RDX: variants seen among roughly 807,000 people sequenced by gnomAD.
The protein encoded by RDX is radixin.
Under a neutral mutation model 83.7 loss-of-function variants are expected in RDX, and 32 were observed. That is an observed-to-expected ratio of 0.38 (90% confidence interval 0.29 to 0.51). RDX has a LOEUF of 0.51. Ranked by LOEUF, RDX falls within the 20% of genes least tolerant of loss-of-function variation. RDX has a pLI of 0.87. For missense variants in RDX, 600 were observed against 689.9 expected (o/e 0.87, Z 1.46); for synonymous variants, 229 against 222.7 (o/e 1.03, Z -0.25).
chr11:110,181,184 C>T (rs575655343), intron 15 of RDX, among the ~76,000 whole-genome samples: 13 of 142,238 alleles, frequency 9.1e-5, no homozygotes, highest in Non-Finnish European at 1.8e-4. Context: ...TTTTTTGAGA[C>T]GGAGTCTTGC....
At chr11:110,264,978 G>A (rs1436681260) in intron 3 of RDX, 104 bp from the exon 4 acceptor site, 6 of 735,074 alleles carry the variant, frequency 8.2e-6, no homozygotes, top group South Asian at 3.6e-5. Flanking sequence ...GTAAGTATAC[G>A]TATATTCCTT....
At chr11:110,246,486 T>C (rs1859110344) in intron 10 of RDX, among the ~76,000 whole-genome samples, 1 of 151,594 alleles carries the variant, frequency 6.6e-6, no homozygotes, top group African/African-American at 2.4e-5. Flanking sequence ...TCAAAGAAAA[T>C]GCCCAGGGCC....
chr11:110,295,134 G>A lies in RDX; in HGVS notation c.-65+1333C>T, dbSNP rs114769968. On this transcript the variant is annotated intron_variant, in intron 1 of 13. Transcript: ENST00000645495. ...TCTCTGGAAGATAAAGCACACTGGG[G>A]AAAGCAAAGAAATTCTGAAAATAAA... Among the ~76,000 whole-genome samples, 1,427 of 152,188 alleles carry A rather than the reference G, an allele frequency of 9.4e-3. 28 individuals carry two copies. Among genetic ancestry groups the A allele is most frequent in the African/African-American group, 0.031 (1,302 of 41,506 alleles).
intron 6 of RDX, 92 bp from the exon 7 acceptor site, chr11:110,258,005 AT>A: frequency 6.8e-7 from 1 of 1,477,758 alleles, no homozygotes; most frequent in South Asian, 1.2e-5. Context: ...AGTACTTTAC[AT>A]AAGTCAAACA....
At chr11:110,262,497 A>T (rs902425125) in intron 5 of RDX, among the ~76,000 whole-genome samples, 6 of 152,064 alleles carry the variant, frequency 3.9e-5, no homozygotes, top group African/African-American at 1.4e-4. Flanking sequence ...CTGAGGCAGG[A>T]GAATCGCTTG....
intron 9 of RDX, among the ~76,000 whole-genome samples, chr11:110,249,687 T>A (rs779021492): frequency 6.6e-6 from 1 of 152,052 alleles, no homozygotes; most frequent in African/African-American, 2.4e-5. Context: ...CAGGGCAACA[T>A]AGCGAGACCT....
At chr11:110,207,004 G>A (rs1192596464) in intron 14 of RDX, among the ~76,000 whole-genome samples, 6 of 151,962 alleles carry the variant, frequency 3.9e-5, no homozygotes, top group South Asian at 2.1e-4. Flanking sequence ...GCATGGTCTC[G>A]CTCTGTTGCC....
chr11:110,230,556 C>G lies in RDX; in HGVS notation c.*1313G>C, dbSNP rs189484152. On this transcript the variant is annotated 3_prime_UTR_variant, in exon 14 of 14. Transcript: ENST00000645495. ...TTCACATGCTACAAGGTTAGCATTT[C>G]TCTCTCTCATACACACACAGAGTAC... 244 of 149,036 alleles carry G rather than the reference C, an allele frequency of 1.6e-3. 1 individual carries two copies. Among genetic ancestry groups the G allele is most frequent in the Non-Finnish European group, 2.7e-3 (181 of 67,274 alleles). The allele number at this position is 149,036 out of a possible 1,614,324, so 9.2% of individuals were successfully genotyped here.
chr11:110,193,890 T>C (rs1591502173), intron 15 of RDX, among the ~76,000 whole-genome samples: 1 of 152,242 alleles, frequency 6.6e-6, no homozygotes, highest in Non-Finnish European at 1.5e-5. Context: ...TCTCTCTTAC[T>C]GCATTATAAA....
At chr11:110,268,101 A>C (rs1180350794) in intron 3 of RDX, among the ~76,000 whole-genome samples, 1 of 152,152 alleles carries the variant, frequency 6.6e-6, no homozygotes, top group African/African-American at 2.4e-5. Flanking sequence ...CAAGGTCAAG[A>C]GTTCAAAACC....
At chr11:110,179,907 T>TC (rs1316803354) in intron 15 of RDX, 17 of 403,148 alleles carry the variant, frequency 4.2e-5, no homozygotes, top group Admixed American at 4.1e-4. Context: ...TTTTTTCTTT[T>TC]TTTTTTTTTT....
chr11:110,237,417 T>C, intron 11 of RDX, 75 bp downstream of exon 11: 1 of 1,442,432 alleles, frequency 6.9e-7, no homozygotes, highest in Non-Finnish European at 9.5e-7. Flanking sequence ...ATGGTTGCTT[T>C]TCTTTTTTTC....
At chr11:110,183,129 C>T (rs1180512795) in intron 15 of RDX, among the ~76,000 whole-genome samples, 1 of 152,094 alleles carries the variant, frequency 6.6e-6, no homozygotes, top group Non-Finnish European at 1.5e-5. Context: ...GGTTCAACCA[C>T]CAATGAAAAA....
At chr11:110,252,583 G>T (rs959702576) in intron 9 of RDX, among the ~76,000 whole-genome samples, 5 of 152,014 alleles carry the variant, frequency 3.3e-5, no homozygotes, top group Non-Finnish European at 7.4e-5. Flanking sequence ...AAATTAAGTG[G>T]AAACTAAAAG....
intron 1 of RDX, among the ~76,000 whole-genome samples, chr11:110,286,195 T>C (rs551647730): frequency 6.6e-5 from 10 of 152,270 alleles, no homozygotes; most frequent in East Asian, 3.9e-4. Context: ...TAAAGCAATA[T>C]ATTGTGCTCT....
chr11:110,261,904 A>G (rs1489820205), intron 5 of RDX, among the ~76,000 whole-genome samples: 2 of 152,332 alleles, frequency 1.3e-5, no homozygotes, highest in Middle Eastern at 3.4e-3. Flanking sequence ...TTTCAATCAC[A>G]TGAGTTATGA....
Position 110,191,364 on chromosome 11 carries a change from A to G in RDX, c.*31+8217T>C, listed in dbSNP as rs140225368. Reference sequence around the variant, plus strand: ...AACAGATGCAGAAAAATCTTTTGATAAAATCCAATATCCCTTCGGGATAAA... The same window carrying G: ...AACAGATGCAGAAAAATCTTTTGATGAAATCCAATATCCCTTCGGGATAAA... On this transcript the variant is annotated intron_variant, in intron 15 of 15. Transcript: ENST00000528498. 3.6e-3 allele frequency among the ~76,000 whole-genome samples: 543 copies of G among 152,384 alleles called. 5 individuals are homozygous for G. The highest frequency in any genetic ancestry group is 0.013 in the African/African-American group (528 of 41,592).
chr11:110,270,699 A>C (rs1309087192), intron 3 of RDX, among the ~76,000 whole-genome samples: 1 of 152,242 alleles, frequency 6.6e-6, no homozygotes, highest in Admixed American at 6.5e-5. Flanking sequence ...GTGTGACTCC[A>C]GTGCCCACAC....
chr11:110,231,315 A>G lies in RDX; in HGVS notation c.*554T>C, dbSNP rs1308010632. ...AATGTTCTAATCTCTTTCCTGATTC[A>G]TAGCCATATTCTACATGATGATCAA... On this transcript the variant is annotated 3_prime_UTR_variant, in exon 14 of 14. Transcript: ENST00000645495. 1 of 157,470 alleles carries G rather than the reference A, an allele frequency of 6.4e-6. No homozygotes were observed. Among genetic ancestry groups the G allele is most frequent in the Admixed American group, 6.1e-5 (1 of 16,522 alleles). 9.8% of individuals were successfully genotyped at this position (157,470 alleles called of 1,614,324 possible).
Sources: allele counts gnomAD v4.1 joint callset (sites outside exome capture counted in the v4.1 genomes callset), GRCh38; gene constraint gnomAD v4.1.1; transcripts MANE v1.5; gene names NCBI Gene and HGNC (gene_info 2026-07-23, HGNC 2026-07-21).